The following WDPCP variants were observed in gnomAD, a reference collection of about 807,000 sequenced individuals.
WDPCP encodes WD repeat-containing and planar cell polarity effector protein fritz homolog.
Under a neutral mutation model 93.1 loss-of-function variants are expected in WDPCP, and 71 were observed. The ratio of observed to expected loss-of-function variants is 0.76; its 90% CI spans 0.63 to 0.93. The LOEUF (loss-of-function observed/expected upper bound fraction) is 0.93. Among genes scored for constraint, WDPCP ranks in the 40% least tolerant of loss-of-function variants. The probability of loss-of-function intolerance (pLI) is 0.00; values close to 1 mark genes in which losing one functional copy is unlikely to be tolerated. For missense variants in WDPCP, 844 were observed against 887.4 expected, an observed-to-expected ratio of 0.95 and a Z score of 0.62; for synonymous variants, 315 against 315.0, an observed-to-expected ratio of 1.00 and a Z score of 0.00.
rs535155334 is a variant in WDPCP at position 63,378,607 on chromosome 2, G to T, written c.1625-98C>A. The T allele has an allele frequency of 3.7e-5, 55 of 1,497,716 alleles. No homozygotes were observed. In the East Asian group the frequency reaches 1.2e-3, roughly 32 times the overall value. The allele number at this position is 1,497,716 out of a possible 1,614,324, so 92.8% of individuals were successfully genotyped here. On this transcript the variant is annotated intron_variant, in intron 11 of 17. Transcript: ENST00000272321. ...CAGTCAGTCAGGTTTTGCAGACTTG[G>T]ATGAAACATGAACTTGTTGCAGGAA...
At chr2:63,496,931 G>A (rs1701253806) in intron 1 of WDPCP, among the ~76,000 whole-genome samples, 1 of 151,782 alleles carries the variant, frequency 6.6e-6, no homozygotes, top group Admixed American at 6.6e-5. Flanking sequence ...GGCCTTCATG[G>A]CAAAACCCCA....
At chr2:63,545,858 A>T (rs952430664) in intron 1 of WDPCP, among the ~76,000 whole-genome samples, 53 of 137,348 alleles carry the variant, frequency 3.9e-4, no homozygotes, top group East Asian at 2.1e-3. Flanking sequence ...GCTCAGATTT[A>T]AAAAAAAAAA....
intron 2 of WDPCP, among the ~76,000 whole-genome samples, chr2:63,753,156 G>T (rs1383727709): frequency 2.6e-5 from 4 of 152,050 alleles, no homozygotes; most frequent in Non-Finnish European, 5.9e-5. Context: ...TAGGGGCTGG[G>T]CGCAGTGGCT....
At chr2:63,430,850 C>T (rs1305322843) in intron 9 of WDPCP, among the ~76,000 whole-genome samples, 2 of 152,206 alleles carry the variant, frequency 1.3e-5, no homozygotes, top group Non-Finnish European at 2.9e-5. Flanking sequence ...CCACTGGACT[C>T]CAGCCTGGTG....
At position 63,122,012 on chromosome 2, in the gene WDPCP, C is replaced by G. The variant is rs757608139; in HGVS notation, c.2235G>C (p.Leu745=). The stretch of plus-strand genomic sequence containing the variant: ...TTTCTTTTTTTCTTAATGTTTACAC[C>G]AGACCAAAGTGAATCATTTTGAGAG... ...GGSLKMIHFG[L]V is the part of the protein sequence containing the mutation. The change falls in exon 18 of 18, where the codon CTG becomes CTC. Residue 745 remains leucine (L), a synonymous_variant. Coordinates refer to ENST00000272321, the MANE Select transcript of WDPCP (RefSeq NM_015910.7). 1 of 1,613,280 alleles carries G rather than the reference C, an allele frequency of 6.2e-7. No homozygotes were observed. The highest frequency in any genetic ancestry group is 2.2e-5 in the East Asian group (1 of 44,742).
intron 17 of WDPCP, among the ~76,000 whole-genome samples, chr2:63,127,590 G>A (rs1055572730): frequency 6.8e-6 from 1 of 147,824 alleles, no homozygotes; most frequent in Admixed American, 6.8e-5. Context: ...ATTTTTAGAG[G>A]TTATACACTT....
At position 63,125,900 on chromosome 2, in the gene WDPCP, C is replaced by T. The variant is rs192595775; in HGVS notation, c.2191-3844G>A. Among the ~76,000 whole-genome samples, 505 of 146,320 alleles carry T rather than the reference C, an allele frequency of 3.5e-3. 3 individuals carry two copies. The highest frequency in any genetic ancestry group is 5.8e-3 in the Non-Finnish European group (383 of 66,576). On this transcript the variant is annotated intron_variant, in intron 17 of 17. Transcript: ENST00000272321. ...TGCTGGGATTACAGGCGTGAGCCAC[C>T]TCGCCAGGCTGCTTTTCAGTTTTTT...
intron 17 of WDPCP, among the ~76,000 whole-genome samples, chr2:63,125,141 G>A (rs939797180): frequency 6.6e-6 from 1 of 152,202 alleles, no homozygotes; most frequent in Non-Finnish European, 1.5e-5. Context: ...ACATGGCAGA[G>A]TTTGGTACTT....
chr2:63,329,640 C>T (rs1687832948), intron 12 of WDPCP, among the ~76,000 whole-genome samples: 2 of 152,044 alleles, frequency 1.3e-5, no homozygotes, highest in African/African-American at 2.4e-5. Flanking sequence ...TTACCCTTCC[C>T]CCAAAGGTCT....
chr2:63,318,014 A>G (rs551098817), intron 12 of WDPCP, among the ~76,000 whole-genome samples: 1 of 152,312 alleles, frequency 6.6e-6, no homozygotes, highest in African/African-American at 2.4e-5. Flanking sequence ...TTCACAAACT[A>G]TGCATTTGGC....
At chr2:63,211,030 G>C (rs965548792) in intron 14 of WDPCP, among the ~76,000 whole-genome samples, 2 of 152,210 alleles carry the variant, frequency 1.3e-5, no homozygotes, top group Non-Finnish European at 2.9e-5. Context: ...CTTCTGGGGG[G>C]CAGGGCATAG....
At chr2:63,780,254 G>C (rs1303569032) in intron 2 of WDPCP, among the ~76,000 whole-genome samples, 3 of 152,140 alleles carry the variant, frequency 2.0e-5, no homozygotes, top group Non-Finnish European at 2.9e-5. Flanking sequence ...GATCCTTCGA[G>C]TCCTGGGTAC....
intron 17 of WDPCP, among the ~76,000 whole-genome samples, chr2:63,131,891 A>G (rs1670318316): frequency 6.9e-6 from 1 of 144,816 alleles, no homozygotes; most frequent in South Asian, 2.2e-4. Context: ...GTTGGAGTAC[A>G]GTGGTGCGAT....
At chr2:63,154,909 A>T (rs1672131765) in intron 15 of WDPCP, among the ~76,000 whole-genome samples, 1 of 152,188 alleles carries the variant, frequency 6.6e-6, no homozygotes, top group African/African-American at 2.4e-5. Context: ...AGCTCATGAT[A>T]TTAAATTTAT....
intron 10 of WDPCP, among the ~76,000 whole-genome samples, chr2:63,394,959 G>A (rs997109793): frequency 1.3e-5 from 2 of 152,016 alleles, no homozygotes; most frequent in Non-Finnish European, 2.9e-5. Flanking sequence ...CCTGGGTGAC[G>A]AAATAATCTG....
intron 2 of WDPCP, among the ~76,000 whole-genome samples, chr2:63,769,119 G>T (rs193078150): frequency 6.6e-6 from 1 of 151,980 alleles, no homozygotes; most frequent in East Asian, 1.9e-4. Flanking sequence ...TCATGAAATG[G>T]CTACTTTGTA....
chr2:63,759,713 C>T (rs4671532), intron 2 of WDPCP, among the ~76,000 whole-genome samples: 117,937 of 152,192 alleles, frequency 0.77, 47,044 homozygotes, highest in African/African-American at 0.89. Flanking sequence ...ACTAAACCAA[C>T]GTTTTGCCCA....
At chr2:63,809,612 C>T (rs576366135) in intron 2 of WDPCP, among the ~76,000 whole-genome samples, 2 of 152,112 alleles carry the variant, frequency 1.3e-5, no homozygotes, top group African/African-American at 4.8e-5. Context: ...GTGACCTTAC[C>T]CCCAACCCTG....
intron 1 of WDPCP, among the ~76,000 whole-genome samples, chr2:63,530,314 T>C (rs1208280087): frequency 6.6e-6 from 1 of 152,230 alleles, no homozygotes; most frequent in Non-Finnish European, 1.5e-5. Context: ...TTTAGATCTT[T>C]CCTGCTTTCT....
Sources: gnomAD v4.1 joint callset for allele counts (sites outside exome capture counted in the v4.1 genomes callset) on GRCh38, gnomAD v4.1.1 for gene constraint, MANE v1.5 for transcripts, NCBI Gene and HGNC (gene_info 2026-07-23, HGNC 2026-07-21) for gene names.